TMEM63C: variants seen among roughly 807,000 people sequenced by gnomAD.
The protein encoded by TMEM63C is osmosensitive cation channel TMEM63C.
TMEM63C carries 32 observed loss-of-function variants against 99.2 expected under a neutral mutation model. The observed-to-expected ratio is 0.32, with a 90% CI of 0.24 to 0.43. TMEM63C has a LOEUF of 0.43. Ranked by LOEUF, TMEM63C falls within the 20% of genes least tolerant of loss-of-function variation. The pLI is 1.00. For synonymous variants in TMEM63C, 376 were observed against 397.9 expected, an observed-to-expected ratio of 0.94 and a Z score of 0.66; for missense variants, 826 against 1,053.0, an observed-to-expected ratio of 0.78 and a Z score of 2.98.
intron 1 of TMEM63C, among the ~76,000 whole-genome samples, chr14:77,203,382 GAAAAA>G (rs10554283): frequency 8.9e-5 from 11 of 123,192 alleles, no homozygotes; most frequent in African/African-American, 2.5e-4. Context: ...ACTCCATCTT[GAAAAA>G]AAAAAAAAAA....
chr14:77,204,299 A>G (rs913786756), intron 1 of TMEM63C, among the ~76,000 whole-genome samples: 1 of 152,166 alleles, frequency 6.6e-6, no homozygotes, highest in Non-Finnish European at 1.5e-5. Context: ...AGATTTTGCC[A>G]TGATAGGCTT....
At chr14:77,186,377 T>C (rs762019147) in intron 1 of TMEM63C, among the ~76,000 whole-genome samples, 2 of 152,126 alleles carry the variant, frequency 1.3e-5, no homozygotes, top group Non-Finnish European at 2.9e-5. Flanking sequence ...TGTCGACTGC[T>C]CCAGGCACTG....
At chr14:77,206,279 C>T (rs912648989) in intron 1 of TMEM63C, among the ~76,000 whole-genome samples, 1 of 152,132 alleles carries the variant, frequency 6.6e-6, no homozygotes, top group African/African-American at 2.4e-5. Flanking sequence ...CCCTGCCTGC[C>T]CTAGTGAGAG....
At chr14:77,214,114 C>G (rs1296233632) in intron 2 of TMEM63C, among the ~76,000 whole-genome samples, 1 of 152,154 alleles carries the variant, frequency 6.6e-6, no homozygotes, top group East Asian at 1.9e-4. Flanking sequence ...ACTCCTGAAA[C>G]CTTTCCATGG....
Position 77,219,495 on chromosome 14 carries a change from T to C in TMEM63C, c.151-3T>C. Reference sequence around the variant, plus strand: ...ACCCCACATTGCTTTTCCTGGCCTGTAGCTCGTCCTTGTGGTTTACTCCTT... The same window carrying C: ...ACCCCACATTGCTTTTCCTGGCCTGCAGCTCGTCCTTGTGGTTTACTCCTT... On this transcript the variant is annotated splice_region_variant and splice_polypyrimidine_tract_variant and intron_variant, in intron 3 of 23. Coordinates refer to ENST00000298351, the MANE Select transcript of TMEM63C (RefSeq NM_020431.4). The C allele has an allele frequency of 6.2e-7, 1 of 1,613,914 alleles. No homozygotes were observed.
At chr14:77,202,459 A>G (rs760011696) in intron 1 of TMEM63C, among the ~76,000 whole-genome samples, 2 of 152,168 alleles carry the variant, frequency 1.3e-5, no homozygotes, top group Non-Finnish European at 2.9e-5. Context: ...GGAGGCCAGA[A>G]GTCTGAAATC....
chr14:77,188,318 AGTAG>A (rs1888038087), intron 1 of TMEM63C, among the ~76,000 whole-genome samples: 1 of 152,236 alleles, frequency 6.6e-6, no homozygotes, highest in South Asian at 2.1e-4. Context: ...CAGGTCCTCC[AGTAG>A]TTCATGGGGA....
intron 6 of TMEM63C, among the ~76,000 whole-genome samples, chr14:77,228,111 G>A (rs1419491549): frequency 6.6e-6 from 1 of 152,146 alleles, no homozygotes; most frequent in Non-Finnish European, 1.5e-5. Context: ...GTGGAAGGAA[G>A]GGAAGCAATG....
At chr14:77,219,951 C>T (rs1888660024) in intron 4 of TMEM63C, 55 bp from the exon 5 acceptor site, 3 of 1,503,748 alleles carry the variant, frequency 2.0e-6, no homozygotes, top group Non-Finnish European at 2.7e-6. Context: ...GCAGGGCAGG[C>T]AGCTGAGAAC....
intron 8 of TMEM63C, among the ~76,000 whole-genome samples, chr14:77,234,440 G>C (rs451303): frequency 0.064 from 9,813 of 152,256 alleles, 409 homozygotes; most frequent in Admixed American, 0.1. Context: ...GCTGGCCCGA[G>C]GTACCTACAT....
chr14:77,212,257 T>C (rs1042557585), intron 1 of TMEM63C: 1 of 152,264 alleles, frequency 6.6e-6, no homozygotes, highest in Non-Finnish European at 1.5e-5. Flanking sequence ...TTTCCAGATA[T>C]GGGAACTGAG....
chr14:77,212,547 G>A (rs912797860), intron 1 of TMEM63C, among the ~76,000 whole-genome samples: 12 of 152,188 alleles, frequency 7.9e-5, no homozygotes, highest in Admixed American at 1.3e-4. Flanking sequence ...CCAAAATCTG[G>A]ATTTTCTGCC....
At chr14:77,249,628 C>T (rs993450097) in intron 21 of TMEM63C, among the ~76,000 whole-genome samples, 170 bp downstream of exon 21, 1 of 152,230 alleles carries the variant, frequency 6.6e-6, no homozygotes, top group Non-Finnish European at 1.5e-5. Flanking sequence ...ACATTAGAGT[C>T]TCAGCTGAGC....
At chr14:77,239,516 G>A (rs750312823) in intron 11 of TMEM63C, 24 bp downstream of exon 11, 2 of 1,612,756 alleles carry the variant, frequency 1.2e-6, no homozygotes, top group Admixed American at 1.7e-5. Flanking sequence ...GGGGCCTTTT[G>A]GGGCCCGGGG....
At position 77,244,539 on chromosome 14, in the gene TMEM63C, G is replaced by A. The variant is rs950404167; in HGVS notation, c.1448+84G>A. 6 of 1,065,370 alleles carry A rather than the reference G, an allele frequency of 5.6e-6. No individual in the cohort carries two copies. In the African/African-American group the frequency reaches 7.8e-5, roughly 14 times the overall value. 66.0% of individuals were successfully genotyped at this position (1,065,370 alleles called of 1,614,324 possible). A position where few individuals can be genotyped will look rare whatever the true frequency, so the allele number is the denominator to read the frequency against. On this transcript the variant is annotated intron_variant, in intron 16 of 23. Coordinates refer to ENST00000298351, the MANE Select transcript of TMEM63C (RefSeq NM_020431.4). ...GGCTTCCCCGCCAGCCTGGCACTTGGGCCTCCCCTCTAGCCTAAGAAGGAG... is the reference window on the plus strand; with the variant it reads ...GGCTTCCCCGCCAGCCTGGCACTTGAGCCTCCCCTCTAGCCTAAGAAGGAG...
At chr14:77,254,334 A>C (rs1889426636) in intron 23 of TMEM63C, among the ~76,000 whole-genome samples, 1 of 152,086 alleles carries the variant, frequency 6.6e-6, no homozygotes, top group Admixed American at 6.6e-5. Flanking sequence ...GCACAGACAA[A>C]ACACCAGCAA....
intron 21 of TMEM63C, among the ~76,000 whole-genome samples, chr14:77,251,265 G>A (rs1485867873): frequency 6.6e-6 from 1 of 152,202 alleles, no homozygotes; most frequent in Non-Finnish European, 1.5e-5. Context: ...ATTTTTGGCT[G>A]TAAAGCATAA....
intron 6 of TMEM63C, among the ~76,000 whole-genome samples, chr14:77,225,681 G>A (rs773612370): frequency 6.6e-6 from 1 of 152,202 alleles, no homozygotes; most frequent in Non-Finnish European, 1.5e-5. Context: ...CTCTGCCTCA[G>A]TCCTTAGGGA....
chr14:77,233,327 A>C, intron 7 of TMEM63C, 125 bp from the exon 8 acceptor site: 1 of 954,756 alleles, frequency 1.0e-6, no homozygotes, highest in Admixed American at 2.1e-5. Context: ...CTGGGGAACC[A>C]GAAGGAAGAG....
Sources: gnomAD v4.1 joint callset for allele counts (sites outside exome capture counted in the v4.1 genomes callset) on GRCh38, gnomAD v4.1.1 for gene constraint, MANE v1.5 for transcripts, NCBI Gene and HGNC (gene_info 2026-07-23, HGNC 2026-07-21) for gene names.